Variants in PELI2 observed in about 807,000 individuals in gnomAD.
PELI2 encodes E3 ubiquitin-protein ligase pellino homolog 2.
PELI2 carries 23 observed loss-of-function variants against 42.3 expected under a neutral mutation model. The ratio of observed to expected loss-of-function variants is 0.54; its 90% CI spans 0.39 to 0.77. PELI2 has a LOEUF of 0.77. Among genes scored for constraint, PELI2 ranks in the 30% least tolerant of loss-of-function variants. The pLI is 0.00. For missense variants in PELI2, 463 were observed against 553.2 expected (o/e 0.84, Z 1.64); for synonymous variants, 245 against 212.2 (o/e 1.15, Z -1.34).
At chr14:56,209,235 A>C (rs1412368073) in intron 2 of PELI2, among the ~76,000 whole-genome samples, 1 of 152,260 alleles carries the variant, frequency 6.6e-6, no homozygotes, top group Non-Finnish European at 1.5e-5. Flanking sequence ...ATGTAGTTTC[A>C]GACTCCACAT....
At chr14:56,198,044 CCTGA>C (rs1458229782) in intron 2 of PELI2, among the ~76,000 whole-genome samples, 2 of 150,078 alleles carry the variant, frequency 1.3e-5, no homozygotes, top group Non-Finnish European at 3.0e-5. Context: ...TCTAGAGAAC[CCTGA>C]CTAATACAAC....
chr14:56,166,495 A>C (rs1884968927), intron 1 of PELI2, among the ~76,000 whole-genome samples: 1 of 152,160 alleles, frequency 6.6e-6, no homozygotes, highest in South Asian at 2.1e-4. Flanking sequence ...TCTATTGCTC[A>C]TTAATGTCCT....
rs529075302 is a variant in PELI2, at chr14:56,246,563, A to G, written c.208-33113A>G. ...GGACAAGCGTGGTCTACCAGTATTGATTAGAGTGATTTTTTTGTGTTGTTT... is the reference window on the plus strand; with the variant it reads ...GGACAAGCGTGGTCTACCAGTATTGGTTAGAGTGATTTTTTTGTGTTGTTT... On this transcript the variant is annotated intron_variant, in intron 2 of 5. Coordinates refer to ENST00000267460, the MANE Select transcript of PELI2 (RefSeq NM_021255.3). Among the ~76,000 whole-genome samples, 50 of 152,228 alleles carry G rather than the reference A, an allele frequency of 3.3e-4. No individual in the cohort carries two copies. In the South Asian group the frequency reaches 9.5e-3, roughly 29 times the overall value.
chr14:56,226,064 A>T (rs1887341912), intron 2 of PELI2, among the ~76,000 whole-genome samples: 1 of 139,414 alleles, frequency 7.2e-6, no homozygotes, highest in Admixed American at 7.6e-5. Flanking sequence ...AAGACCCAGC[A>T]TACCAAACAG....
At chr14:56,146,666 G>C (rs1266489625) in intron 1 of PELI2, among the ~76,000 whole-genome samples, 1 of 151,980 alleles carries the variant, frequency 6.6e-6, no homozygotes, top group Non-Finnish European at 1.5e-5. Flanking sequence ...TTGGAATATA[G>C]TACAAACTTG....
At position 56,178,249 on chromosome 14, in the gene PELI2, C is replaced by G; in HGVS notation, c.78-86C>G. 2.8e-6 allele frequency: 4 copies of G among 1,416,272 alleles called. No homozygotes were observed. In the African/African-American group the frequency reaches 4.2e-5, roughly 15 times the overall value. The allele number at this position is 1,416,272 out of a possible 1,614,324, so 87.7% of individuals were successfully genotyped here. ...GCAATTCTTTTATGACCATTCCTGTCTTTTCCCTTATTCAATACCTCTAAC... is the reference window on the plus strand; with the variant it reads ...GCAATTCTTTTATGACCATTCCTGTGTTTTCCCTTATTCAATACCTCTAAC... On this transcript the variant is annotated intron_variant, in intron 1 of 5. Transcript: ENST00000267460.
intron 2 of PELI2, among the ~76,000 whole-genome samples, chr14:56,205,362 T>C (rs1468884794): frequency 6.6e-6 from 1 of 152,268 alleles, no homozygotes; most frequent in African/African-American, 2.4e-5. Context: ...TATTTTTTAA[T>C]GTGAACGAGT....
intron 3 of PELI2, among the ~76,000 whole-genome samples, chr14:56,280,666 G>A (rs1889454320): frequency 6.6e-6 from 1 of 151,804 alleles, no homozygotes; most frequent in Admixed American, 6.6e-5. Context: ...TAAAACTGAA[G>A]GAACAAAAAG....
chr14:56,184,809 T>C (rs1885708916), intron 2 of PELI2, among the ~76,000 whole-genome samples: 1 of 152,092 alleles, frequency 6.6e-6, no homozygotes. Context: ...GGGGAAATTA[T>C]TGAAAGAATT....
intron 2 of PELI2, among the ~76,000 whole-genome samples, chr14:56,227,346 G>A (rs1229960635): frequency 6.6e-6 from 1 of 152,310 alleles, no homozygotes; most frequent in South Asian, 2.1e-4. Flanking sequence ...TGCCCCACTG[G>A]GGCTGGGCCT....
At chr14:56,266,657 T>G (rs1326839081) in intron 2 of PELI2, among the ~76,000 whole-genome samples, 14 of 152,022 alleles carry the variant, frequency 9.2e-5, no homozygotes, top group Admixed American at 9.2e-4. Flanking sequence ...TTGGTGTAAC[T>G]TCTGTGAAAA....
At chr14:56,203,671 T>A (rs537019745) in intron 2 of PELI2, among the ~76,000 whole-genome samples, 9 of 152,308 alleles carry the variant, frequency 5.9e-5, no homozygotes, top group African/African-American at 2.2e-4. Flanking sequence ...ATTTATTGAG[T>A]ACCTGCTAAG....
intron 2 of PELI2, among the ~76,000 whole-genome samples, chr14:56,246,376 T>G (rs1489691403): frequency 6.6e-6 from 1 of 152,196 alleles, no homozygotes; most frequent in East Asian, 1.9e-4. Context: ...ACAGAAAAAG[T>G]CAACATTTTC....
At chr14:56,157,885 T>G (rs1191767619) in intron 1 of PELI2, among the ~76,000 whole-genome samples, 3 of 152,226 alleles carry the variant, frequency 2.0e-5, no homozygotes, top group African/African-American at 7.2e-5. Context: ...AATGCTAGTT[T>G]CAATTTCCGG....
intron 2 of PELI2, among the ~76,000 whole-genome samples, chr14:56,274,478 A>G (rs1211641551): frequency 6.6e-6 from 1 of 152,236 alleles, no homozygotes; most frequent in Non-Finnish European, 1.5e-5. Context: ...TTTGGCTGCC[A>G]TTAAGACATG....
chr14:56,290,510 C>T (rs532542494), intron 5 of PELI2, 54 bp downstream of exon 5: 52 of 1,332,604 alleles, frequency 3.9e-5, no homozygotes, highest in Admixed American at 1.5e-4. Context: ...AAGCCTAACT[C>T]GAAGGCTATC....
chr14:56,172,274 G>T (rs939538392), intron 1 of PELI2, among the ~76,000 whole-genome samples: 1 of 152,170 alleles, frequency 6.6e-6, no homozygotes, highest in Non-Finnish European at 1.5e-5. Context: ...CTGCCTTAGC[G>T]GGGTGGCTGG....
chr14:56,241,223 C>T (rs1435217043), intron 2 of PELI2, among the ~76,000 whole-genome samples: 1 of 151,910 alleles, frequency 6.6e-6, no homozygotes, highest in Non-Finnish European at 1.5e-5. Context: ...GTTAGGCCTG[C>T]AAGAAAGAAC....
At chr14:56,132,634 A>G (rs1045525904) in intron 1 of PELI2, among the ~76,000 whole-genome samples, 1 of 152,132 alleles carries the variant, frequency 6.6e-6, no homozygotes, top group Non-Finnish European at 1.5e-5. Flanking sequence ...TGTTACCTCC[A>G]TTCAGATCAA....
Sources: allele counts gnomAD v4.1 joint callset (sites outside exome capture counted in the v4.1 genomes callset), GRCh38; gene constraint gnomAD v4.1.1; transcripts MANE v1.5; gene names NCBI Gene and HGNC (gene_info 2026-07-23, HGNC 2026-07-21).